The following DAPK2 variants were observed in gnomAD, a reference collection of about 807,000 sequenced individuals.
DAPK2 encodes death-associated protein kinase 2.
Under a neutral mutation model 44.1 loss-of-function variants are expected in DAPK2, and 35 were observed. That is an observed-to-expected ratio of 0.79 (90% confidence interval 0.61 to 1.05). The LOEUF (loss-of-function observed/expected upper bound fraction) is 1.05, where lower values mean the gene tolerates loss of function less well. DAPK2 is among the 50% of genes least tolerant of loss of function. The pLI, the probability that DAPK2 is intolerant of heterozygous loss-of-function variation, is 0.00. For synonymous variants in DAPK2, 174 were observed against 182.6 expected, an observed-to-expected ratio of 0.95 and a Z score of 0.38; for missense variants, 453 against 483.2, an observed-to-expected ratio of 0.94 and a Z score of 0.59.
At chr15:63,949,042 A>C (rs1470414908) in intron 3 of DAPK2, among the ~76,000 whole-genome samples, 1 of 152,134 alleles carries the variant, frequency 6.6e-6, no homozygotes, top group East Asian at 1.9e-4. Flanking sequence ...GTGCCTTCTG[A>C]AATCACCCTT....
intron 3 of DAPK2, among the ~76,000 whole-genome samples, chr15:63,961,457 G>C (rs940482931): frequency 6.6e-6 from 1 of 152,138 alleles, no homozygotes; most frequent in African/African-American, 2.4e-5. Flanking sequence ...TTACAATTTG[G>C]CATGTTTTTG....
intron 1 of DAPK2, among the ~76,000 whole-genome samples, chr15:63,993,065 T>C (rs2078860242): frequency 1.3e-5 from 2 of 152,166 alleles, no homozygotes; most frequent in African/African-American, 2.4e-5. Flanking sequence ...GAACCATTCA[T>C]GTTCTAGAAT....
At chr15:63,953,268 T>C (rs1232964174) in intron 3 of DAPK2, among the ~76,000 whole-genome samples, 1 of 152,150 alleles carries the variant, frequency 6.6e-6, no homozygotes, top group Non-Finnish European at 1.5e-5. Flanking sequence ...CTTAGGATAA[T>C]AGTCTCCAGC....
chr15:63,923,321 G>C lies in DAPK2; in HGVS notation c.858+1495C>G. ...GGTGGGCTCTGTCTTCCGCTGTTCA[G>C]GGGCTCTGCCTTCTCCTTTTGACTG... On this transcript the variant is annotated intron_variant, in intron 8 of 10. Coordinates refer to ENST00000261891, the Ensembl canonical transcript of DAPK2. This position sits in a 1 kb window ranked among gnomAD's most constrained non-coding sequence, Gnocchi z 4.2. 6.5e-7 allele frequency: 1 copy of C among 1,535,688 alleles called. No homozygotes were observed. Among genetic ancestry groups the C allele is most frequent in the Admixed American group, 2.0e-5 (1 of 50,950 alleles).
intron 2 of DAPK2, among the ~76,000 whole-genome samples, chr15:63,983,274 GC>G (rs2078576360): frequency 6.6e-6 from 1 of 152,188 alleles, no homozygotes; most frequent in Non-Finnish European, 1.5e-5. Context: ...TCCAGTGAAA[GC>G]CAGACTTAGG....
intron 3 of DAPK2, among the ~76,000 whole-genome samples, chr15:63,946,265 G>C (rs2077447666): frequency 6.6e-6 from 1 of 152,254 alleles, no homozygotes; most frequent in South Asian, 2.1e-4. Context: ...TGGTTGTCCG[G>C]TGGGGCACCC....
rs909066236 is a variant in DAPK2 at position 64,046,010 on chromosome 15, TC to T, written c.-7+287del. ...GGGCCTAACTCGATGGACGTCTGTC[TC>T]CCATCTCCCTGCTGGGTGCTTGGCT... On this transcript the variant is annotated intron_variant, in intron 1 of 11. Transcript: ENST00000457488. The surrounding 1 kb of genome is among the most constrained non-coding windows in gnomAD (Gnocchi z 5.3). 6.6e-6 allele frequency among the ~76,000 whole-genome samples: 1 copy of T among 152,180 alleles called. No homozygotes were observed. The highest frequency in any genetic ancestry group is 2.4e-5 in the African/African-American group (1 of 41,452).
At chr15:64,040,033 G>A (rs1242176988) in intron 1 of DAPK2, 137 bp downstream of exon 2, 7 of 663,700 alleles carry the variant, frequency 1.1e-5, no homozygotes, top group Middle Eastern at 4.0e-4. Context: ...CCAGGCAGGT[G>A]AATAATCCTC....
At chr15:63,915,646 G>A (rs947228462) in intron 8 of DAPK2, among the ~76,000 whole-genome samples, 1 of 152,182 alleles carries the variant, frequency 6.6e-6, no homozygotes, top group Non-Finnish European at 1.5e-5. Flanking sequence ...GAGCAGAGGG[G>A]CCCAGCTAAA....
chr15:63,956,471 A>G (rs972729401), intron 3 of DAPK2, among the ~76,000 whole-genome samples: 3 of 152,048 alleles, frequency 2.0e-5, no homozygotes, highest in African/African-American at 7.2e-5. Flanking sequence ...CCCACTGGTC[A>G]TTCAGAAGCA....
chr15:63,953,351 G>A (rs1213417321), intron 3 of DAPK2, among the ~76,000 whole-genome samples: 3 of 152,032 alleles, frequency 2.0e-5, no homozygotes, highest in Non-Finnish European at 2.9e-5. Context: ...TTTTTAGCAT[G>A]CATAAATGAG....
chr15:64,019,239 A>T (rs558609235), intron 1 of DAPK2, among the ~76,000 whole-genome samples: 27 of 152,360 alleles, frequency 1.8e-4, no homozygotes, highest in African/African-American at 6.5e-4. Flanking sequence ...GCTGTGAATT[A>T]CAGAATGCAC....
At chr15:63,913,326 C>A (rs2078844398) in intron 8 of DAPK2, among the ~76,000 whole-genome samples, 1 of 152,152 alleles carries the variant, frequency 6.6e-6, no homozygotes, top group African/African-American at 2.4e-5. Flanking sequence ...CTGAACTGTA[C>A]ATTTTAAAAT....
intron 3 of DAPK2, among the ~76,000 whole-genome samples, chr15:63,967,264 G>A (rs1054009912): frequency 1.3e-5 from 2 of 152,184 alleles, no homozygotes; most frequent in Non-Finnish European, 2.9e-5. Context: ...TTCTTACAAA[G>A]GTGCTTTTTT....
chr15:63,911,664 G>C, intron 10 of DAPK2: 1 of 537,842 alleles, frequency 1.9e-6, no homozygotes, highest in Non-Finnish European at 3.3e-6. Flanking sequence ...GAAAGGATGG[G>C]AGATCCTCCA....
intron 8 of DAPK2, chr15:63,922,454 T>A: frequency 8.5e-7 from 1 of 1,178,764 alleles, no homozygotes; most frequent in Non-Finnish European, 1.1e-6. Context: ...CCAGCCATCC[T>A]CCCTCTGCAG....
At chr15:63,927,020 T>G (rs2079305166) in intron 6 of DAPK2, among the ~76,000 whole-genome samples, 1 of 152,186 alleles carries the variant, frequency 6.6e-6, no homozygotes, top group African/African-American at 2.4e-5. Context: ...AATCCTGGGT[T>G]TGAATCCCAG....
At chr15:63,954,070 G>A (rs989670068) in intron 3 of DAPK2, among the ~76,000 whole-genome samples, 12 of 152,070 alleles carry the variant, frequency 7.9e-5, no homozygotes, top group Non-Finnish European at 1.6e-4. Context: ...CTTGTCAAAT[G>A]GGTTGTTTGT....
intron 3 of DAPK2, among the ~76,000 whole-genome samples, chr15:63,955,589 G>A (rs995649508): frequency 6.6e-6 from 1 of 152,124 alleles, no homozygotes; most frequent in African/African-American, 2.4e-5. Flanking sequence ...CATTGTTTGA[G>A]ACAGGGTCTC....
Sources: allele counts gnomAD v4.1 joint callset (sites outside exome capture counted in the v4.1 genomes callset), GRCh38; gene constraint gnomAD v4.1.1; non-coding constraint Gnocchi (gnomAD v3.1); transcripts MANE v1.5; gene names NCBI Gene and HGNC (gene_info 2026-07-23, HGNC 2026-07-21).